KCNAB1: variants seen among roughly 807,000 people sequenced by gnomAD.
KCNAB1 encodes voltage-gated potassium channel subunit beta-1.
KCNAB1 carries 35 observed loss-of-function variants against 64.6 expected under a neutral mutation model. That is an observed-to-expected ratio of 0.54 (90% CI 0.41 to 0.72). KCNAB1 has a LOEUF of 0.72. Ranked by LOEUF, KCNAB1 falls within the 30% of genes least tolerant of loss-of-function variation. The pLI is 0.00. For missense variants in KCNAB1, 401 were observed against 512.9 expected (o/e 0.78, Z 2.11); for synonymous variants, 177 against 183.8 (o/e 0.96, Z 0.30).
chr3:156,377,350 G>A (rs1272249010), intron 1 of KCNAB1, among the ~76,000 whole-genome samples: 1 of 152,148 alleles, frequency 6.6e-6, no homozygotes, highest in Non-Finnish European at 1.5e-5. Context: ...GGAGGGATGA[G>A]CCCCTCCCGA....
intron 1 of KCNAB1, among the ~76,000 whole-genome samples, chr3:156,420,217 TACAA>T (rs1209698376): frequency 1.3e-5 from 2 of 152,234 alleles, no homozygotes; most frequent in East Asian, 1.9e-4. Flanking sequence ...GATCTGGCCC[TACAA>T]ACAGTGATGC....
In KCNAB1 at chr3:156,537,220, A is replaced by G; in HGVS notation, c.*473A>G. On this transcript the variant is annotated 3_prime_UTR_variant, in exon 14 of 14. Transcript: ENST00000490337. ...ATAGATTATTGTTAAGTAAATAGTTATTAAAAATATATCTCACTGCAAAAA... is the reference window on the plus strand; with the variant it reads ...ATAGATTATTGTTAAGTAAATAGTTGTTAAAAATATATCTCACTGCAAAAA... 1 of 374,798 alleles carries G rather than the reference A, an allele frequency of 2.7e-6. No homozygotes were observed. Among genetic ancestry groups the G allele is most frequent in the Non-Finnish European group, 4.6e-6 (1 of 217,688 alleles). The allele number at this position is 374,798 out of a possible 1,614,324, so 23.2% of individuals were successfully genotyped here.
chr3:156,228,204 G>A (rs1306859910), intron 1 of KCNAB1, among the ~76,000 whole-genome samples: 1 of 152,096 alleles, frequency 6.6e-6, no homozygotes, highest in Non-Finnish European at 1.5e-5. Flanking sequence ...GAAGTCAGAT[G>A]CTGTCCTTGC....
intron 1 of KCNAB1, among the ~76,000 whole-genome samples, chr3:156,367,282 TCTCC>T (rs1726009526): frequency 6.6e-6 from 1 of 151,356 alleles, no homozygotes; most frequent in South Asian, 2.1e-4. Context: ...TTCACGCCAT[TCTCC>T]TGCCTCAGCT....
chr3:156,489,205 A>C (rs1162146066), intron 8 of KCNAB1, among the ~76,000 whole-genome samples: 1 of 152,166 alleles, frequency 6.6e-6, no homozygotes, highest in Admixed American at 6.6e-5. Context: ...TGATGAAATC[A>C]CACAAGTAGT....
intron 1 of KCNAB1, among the ~76,000 whole-genome samples, chr3:156,184,092 T>C (rs191753894): frequency 9.2e-5 from 14 of 152,338 alleles, no homozygotes; most frequent in Admixed American, 9.1e-4. Flanking sequence ...ATACTATTAC[T>C]ATTATTGTAC....
chr3:156,137,249 A>G (rs1382509795), intron 1 of KCNAB1, among the ~76,000 whole-genome samples: 1 of 151,892 alleles, frequency 6.6e-6, no homozygotes, highest in Non-Finnish European at 1.5e-5. Flanking sequence ...TTATGCTATA[A>G]CGCAGGAGTA....
chr3:156,501,995 A>C (rs1716477462), intron 8 of KCNAB1, among the ~76,000 whole-genome samples: 1 of 152,078 alleles, frequency 6.6e-6, no homozygotes, highest in Non-Finnish European at 1.5e-5. Flanking sequence ...CACGGGAAAG[A>C]CCAGCCCCCA....
At chr3:156,451,161 AT>A (rs1202067068) in intron 2 of KCNAB1, among the ~76,000 whole-genome samples, 1 of 152,232 alleles carries the variant, frequency 6.6e-6, no homozygotes, top group East Asian at 1.9e-4. Context: ...AAATCTTCTA[AT>A]TGTTTAAATG....
intron 1 of KCNAB1, among the ~76,000 whole-genome samples, chr3:156,230,814 G>A (rs1415330447): frequency 2.6e-5 from 4 of 152,192 alleles, no homozygotes; most frequent in African/African-American, 7.2e-5. Context: ...ACATATGATT[G>A]TGTATCTTCT....
chr3:156,375,809 A>T (rs1711601712), intron 1 of KCNAB1, among the ~76,000 whole-genome samples: 1 of 135,208 alleles, frequency 7.4e-6, no homozygotes. Flanking sequence ...TGTCCTACAT[A>T]TTGAAGATTT....
chr3:156,489,309 C>T (rs1314274713), intron 8 of KCNAB1, among the ~76,000 whole-genome samples: 1 of 151,948 alleles, frequency 6.6e-6, no homozygotes, highest in Non-Finnish European at 1.5e-5. Flanking sequence ...TGGGGAGAAG[C>T]GTGTAATGTT....
chr3:156,337,989 G>A (rs186461071), intron 1 of KCNAB1, among the ~76,000 whole-genome samples: 3 of 152,252 alleles, frequency 2.0e-5, no homozygotes, highest in Non-Finnish European at 2.9e-5. Context: ...TGGGGATGGC[G>A]ATGTATATAC....
chr3:156,478,345 C>A (rs145410223), intron 8 of KCNAB1, among the ~76,000 whole-genome samples: 4 of 151,950 alleles, frequency 2.6e-5, no homozygotes, highest in African/African-American at 7.3e-5. Flanking sequence ...TACTATGGAC[C>A]CTTAGCATTT....
chr3:156,359,658 C>G (rs1725476736), intron 1 of KCNAB1, among the ~76,000 whole-genome samples: 1 of 152,146 alleles, frequency 6.6e-6, no homozygotes, highest in Admixed American at 6.6e-5. Flanking sequence ...GGTGGGTATG[C>G]ACCATTATGT....
intron 1 of KCNAB1, among the ~76,000 whole-genome samples, chr3:156,402,893 G>T (rs1489269358): frequency 6.6e-6 from 1 of 151,884 alleles, no homozygotes; most frequent in African/African-American, 2.4e-5. Flanking sequence ...TTAATATTTT[G>T]GTAGAATTCT....
chr3:156,273,684 C>T, intron 1 of KCNAB1: 1 of 454,518 alleles, frequency 2.2e-6, no homozygotes, highest in Non-Finnish European at 4.4e-6. Context: ...CAGGTACTGT[C>T]ATCTCTCAGC....
intron 2 of KCNAB1, among the ~76,000 whole-genome samples, chr3:156,444,391 G>T (rs1717251362): frequency 6.6e-6 from 1 of 152,202 alleles, no homozygotes; most frequent in African/African-American, 2.4e-5. Flanking sequence ...AAGACCTATT[G>T]ATCTGAGATT....
chr3:156,523,885 A>C lies in KCNAB1; in HGVS notation c.1019A>C (p.Lys340Thr). 1 of 1,614,082 alleles carries C rather than the reference A, an allele frequency of 6.2e-7. No individual in the cohort carries two copies. Among genetic ancestry groups the C allele is most frequent in the Non-Finnish European group, 8.5e-7 (1 of 1,179,922 alleles). ...VSEEGRKQQNKLKDLSPIAER... is the reference protein window; with the variant it reads ...VSEEGRKQQNTLKDLSPIAER... ...GAAGAAGGGAGAAAACAGCAAAACA[A>C]GCTAAAAGACCTTTCCCCAATTGCG... Residue 340 changes from lysine to threonine, a missense_variant, in exon 12 of 14, where the codon AAG (lysine) becomes ACG (threonine). Coordinates refer to ENST00000490337, the MANE Select transcript of KCNAB1 (RefSeq NM_172160.3).
Sources: allele counts gnomAD v4.1 joint callset (sites outside exome capture counted in the v4.1 genomes callset), GRCh38; gene constraint gnomAD v4.1.1; transcripts MANE v1.5; gene names NCBI Gene and HGNC (gene_info 2026-07-23, HGNC 2026-07-21).